ATL1: variants seen among roughly 807,000 people sequenced by gnomAD.
ATL1 encodes atlastin-1.
In ATL1, 31 loss-of-function variants were observed where a neutral mutation model predicts 75.5. The observed-to-expected ratio is 0.41, with a 90% CI of 0.31 to 0.55. ATL1 has a LOEUF of 0.55. Among genes scored for constraint, ATL1 ranks in the 20% least tolerant of loss-of-function variants. The probability of loss-of-function intolerance (pLI) is 0.27; values close to 1 mark genes in which losing one functional copy is unlikely to be tolerated. For synonymous variants in ATL1, 226 were observed against 233.3 expected, an observed-to-expected ratio of 0.97 and a Z score of 0.28; for missense variants, 405 against 662.6, an observed-to-expected ratio of 0.61 and a Z score of 4.27.
intron 5 of ATL1, among the ~76,000 whole-genome samples, 176 bp from the exon 6 acceptor site, chr14:50,595,400 T>C (rs981299665): frequency 4.6e-5 from 7 of 152,230 alleles, no homozygotes; most frequent in African/African-American, 1.7e-4. Context: ...GCTTTACCTA[T>C]CCAATGCTTA....
chr14:50,561,732 A>G (rs2038847856), intron 1 of ATL1, among the ~76,000 whole-genome samples: 1 of 152,098 alleles, frequency 6.6e-6, no homozygotes, highest in African/African-American at 2.4e-5. Context: ...AAGTGGTTCC[A>G]TTTTCTGAGA....
chr14:50,606,548 C>T (rs549913688), intron 6 of ATL1, among the ~76,000 whole-genome samples: 17 of 152,030 alleles, frequency 1.1e-4, no homozygotes, highest in South Asian at 8.3e-4. Context: ...AAGTGACTCA[C>T]GCATTGAAAA....
upstream of ATL1, among the ~76,000 whole-genome samples, chr14:50,558,906 T>C (rs75484028): frequency 0.017 from 2,514 of 151,840 alleles, 39 homozygotes; most frequent in East Asian, 0.065. Flanking sequence ...TTGGTTACAG[T>C]GTTCACGACT....
chr14:50,555,375 G>A (rs543510400), upstream of ATL1, among the ~76,000 whole-genome samples: 13 of 152,226 alleles, frequency 8.5e-5, no homozygotes, highest in Admixed American at 4.6e-4. Flanking sequence ...TCTGCCTCCC[G>A]GGTTCAAGCA....
At chr14:50,591,362 G>A (rs1011397641) in intron 3 of ATL1, among the ~76,000 whole-genome samples, 173 bp from the exon 4 acceptor site, 1 of 152,118 alleles carries the variant, frequency 6.6e-6, no homozygotes, top group Non-Finnish European at 1.5e-5. Flanking sequence ...ACTTATAATA[G>A]TAATCAGCTG....
At chr14:50,584,145 C>G (rs1020076906) in intron 1 of ATL1, among the ~76,000 whole-genome samples, 2 of 152,114 alleles carry the variant, frequency 1.3e-5, no homozygotes, top group Non-Finnish European at 2.9e-5. Context: ...GAGGCCAAGG[C>G]ACGTGGATCA....
chr14:50,613,143 C>T (rs1595614254), intron 6 of ATL1, 116 bp from the exon 7 acceptor site: 3 of 811,124 alleles, frequency 3.7e-6, no homozygotes, highest in East Asian at 5.0e-5. Context: ...ATTTTTAATT[C>T]AGCAATGTGG....
intron 11 of ATL1, among the ~76,000 whole-genome samples, chr14:50,624,462 G>A (rs1029048508): frequency 2.6e-5 from 4 of 151,952 alleles, no homozygotes; most frequent in African/African-American, 9.7e-5. Context: ...GTTATAAGAT[G>A]GTGAACTTAA....
intron 1 of ATL1, among the ~76,000 whole-genome samples, chr14:50,551,938 C>T (rs372879357): frequency 6.6e-6 from 1 of 152,142 alleles, no homozygotes; most frequent in African/African-American, 2.4e-5. Flanking sequence ...AGCATTCCCC[C>T]AGAGAACTAG....
chr14:50,620,801 T>A, intron 9 of ATL1, 75 bp downstream of exon 9: 2 of 1,537,174 alleles, frequency 1.3e-6, no homozygotes, highest in South Asian at 2.3e-5. Flanking sequence ...TAAACAAAAA[T>A]TATAGACCCG....
intron 1 of ATL1, among the ~76,000 whole-genome samples, chr14:50,561,481 C>CT (rs2038844262): frequency 6.6e-6 from 1 of 152,196 alleles, no homozygotes; most frequent in Non-Finnish European, 1.5e-5. Flanking sequence ...TGATTCTGTT[C>CT]CACATCTCAG....
chr14:50,632,237 C>T lies in ATL1; in HGVS notation c.1575C>T (p.Tyr525=), dbSNP rs576095578. 2 of 1,610,832 alleles carry T rather than the reference C, an allele frequency of 1.2e-6. No homozygotes were observed. The highest frequency in any genetic ancestry group is 2.2e-5 in the South Asian group (2 of 90,780). Residue 525 remains tyrosine, a synonymous_variant, in exon 14 of 14, where the codon TAC becomes TAT. Transcript: ENST00000358385. The stretch of plus-strand genomic sequence containing the variant: ...TGATGCTTTTATTCTAGGCTTTGTA[C>T]AAGCTTTACAGTGCAGCAGCAACCC... ...WDQGSTNEAL[Y]KLYSAAATHR...
At chr14:50,630,785 G>T in intron 13 of ATL1, 1 of 318,146 alleles carries the variant, frequency 3.1e-6, no homozygotes, top group Non-Finnish European at 6.1e-6. Flanking sequence ...AATTCAGTAA[G>T]CAAGTTCATT....
At chr14:50,615,216 TACG>T (rs2039403366) in intron 8 of ATL1, among the ~76,000 whole-genome samples, 1 of 152,222 alleles carries the variant, frequency 6.6e-6, no homozygotes, top group Non-Finnish European at 1.5e-5. Context: ...TTGTAGTTAG[TACG>T]ACATTGTTCA....
chr14:50,595,526 C>A, intron 5 of ATL1, 50 bp from the exon 6 acceptor site: 1 of 1,531,022 alleles, frequency 6.5e-7, no homozygotes, highest in Non-Finnish European at 9.0e-7. Context: ...AGTTCTCTCT[C>A]TCTCTCTCTC....
chr14:50,632,246 C>T lies in ATL1; in HGVS notation c.1584C>T (p.Tyr528=), dbSNP rs1289884042. Residue 528 remains tyrosine (Y), a synonymous_variant, in exon 14 of 14, where the codon TAC becomes TAT. Coordinates refer to ENST00000358385, the MANE Select transcript of ATL1 (RefSeq NM_015915.5). The part of the protein sequence containing the change: ...GSTNEALYKL[Y]SAAATHRHLY... ...TATTCTAGGCTTTGTACAAGCTTTA[C>T]AGTGCAGCAGCAACCCACAGACATC... 3 of 1,612,258 alleles carry T rather than the reference C, an allele frequency of 1.9e-6. No homozygotes were observed. Among genetic ancestry groups the T allele is most frequent in the South Asian group, 1.1e-5 (1 of 90,956 alleles).
At chr14:50,594,829 T>C (rs2039197300) in intron 5 of ATL1, among the ~76,000 whole-genome samples, 1 of 151,976 alleles carries the variant, frequency 6.6e-6, no homozygotes, top group Non-Finnish European at 1.5e-5. Context: ...ACCCTATCTC[T>C]ACCAAAAATA....
upstream of ATL1, among the ~76,000 whole-genome samples, chr14:50,558,013 G>T (rs1313804554): frequency 3.9e-5 from 6 of 152,294 alleles, no homozygotes; most frequent in East Asian, 1.2e-3. Context: ...TAAAAAGAAT[G>T]GTGATGCATA....
chr14:50,624,719 A>C (rs1342387233), intron 11 of ATL1, among the ~76,000 whole-genome samples: 1 of 152,084 alleles, frequency 6.6e-6, no homozygotes, highest in Non-Finnish European at 1.5e-5. Flanking sequence ...AGGCCTTTGC[A>C]CCAATTAGTT....
Sources: gnomAD v4.1 joint callset for allele counts (sites outside exome capture counted in the v4.1 genomes callset) on GRCh38, gnomAD v4.1.1 for gene constraint, MANE v1.5 for transcripts, NCBI Gene and HGNC (gene_info 2026-07-23, HGNC 2026-07-21) for gene names.